Variants in DOP1A observed in about 807,000 individuals in gnomAD.
DOP1A encodes the protein DOP1 leucine zipper like protein A.
In DOP1A, 90 loss-of-function variants were observed where a neutral mutation model predicts 267.6. The ratio of observed to expected loss-of-function variants is 0.34; its 90% CI spans 0.28 to 0.40. The LOEUF (loss-of-function observed/expected upper bound fraction) is 0.40. Ranked by LOEUF, DOP1A falls within the 10% of genes least tolerant of loss-of-function variation. The pLI, the probability that DOP1A is intolerant of heterozygous loss-of-function variation, is 1.00. For missense variants in DOP1A, 2,437 were observed against 2,900.4 expected (o/e 0.84, Z 3.67); for synonymous variants, 932 against 999.1 (o/e 0.93, Z 1.27).
intron 38 of DOP1A, chr6:83,164,814 G>A: frequency 3.1e-6 from 3 of 958,768 alleles, no homozygotes; most frequent in Non-Finnish European, 4.6e-6. Flanking sequence ...GTACAAGGGA[G>A]GTAAACAGGA....
chr6:83,122,138 C>T, intron 11 of DOP1A, 88 bp downstream of exon 11: 2 of 1,444,614 alleles, frequency 1.4e-6, no homozygotes, highest in Non-Finnish European at 1.9e-6. Flanking sequence ...TGGGATCCTA[C>T]TCTATGAAGT....
chr6:83,168,951 T>A (rs1260157087), downstream of DOP1A: 2 of 1,150,912 alleles, frequency 1.7e-6, no homozygotes, highest in East Asian at 9.0e-5. Context: ...CATGAATTGT[T>A]CCCCACATAA....
chr6:83,095,026 G>A (rs900425424), intron 1 of DOP1A, among the ~76,000 whole-genome samples: 11 of 152,078 alleles, frequency 7.2e-5, no homozygotes, highest in South Asian at 2.1e-4. Flanking sequence ...TCGGACTGCC[G>A]GGTTCAAGTG....
chr6:83,169,452 A>C (rs758073787), downstream of DOP1A: 26 of 1,088,984 alleles, frequency 2.4e-5, no homozygotes, highest in Non-Finnish European at 2.9e-5. Context: ...AACAAATTCT[A>C]ATGAAAACCT....
Position 83,135,875 on chromosome 6 carries a change from A to T in DOP1A, c.3127A>T (p.Asn1043Tyr). The change falls in exon 20 of 39, where the codon AAT (asparagine) becomes TAT (tyrosine). Residue 1043 changes from asparagine (N) to tyrosine (Y), a missense_variant. Transcript: ENST00000349129. ...KHFMQNFACS[N>Y]VSQVQLITSK... is the part of the protein sequence containing the mutation. ...TTTCATGCAAAATTTTGCCTGCAGC[A>T]ATGGTGAATAACACATAGAAGTAGA... 6.2e-7 allele frequency: 1 copy of T among 1,613,342 alleles called. No individual in the cohort carries two copies. The highest frequency in any genetic ancestry group is 2.2e-5 in the East Asian group (1 of 44,828).
intron 27 of DOP1A, among the ~76,000 whole-genome samples, chr6:83,149,968 TTA>T (rs1445047540): frequency 6.6e-6 from 1 of 152,220 alleles, no homozygotes; most frequent in Non-Finnish European, 1.5e-5. Flanking sequence ...CAATCACCAG[TTA>T]TCTGATGATT....
At chr6:83,140,622 T>A (rs913813645) in intron 23 of DOP1A, among the ~76,000 whole-genome samples, 22 of 152,210 alleles carry the variant, frequency 1.4e-4, no homozygotes, top group African/African-American at 5.3e-4. Context: ...TACAGAGTTG[T>A]GAACTATCAC....
At chr6:83,119,894 G>A (rs1339872630) in intron 9 of DOP1A, 37 bp downstream of exon 9, 3 of 1,524,396 alleles carry the variant, frequency 2.0e-6, no homozygotes, top group Non-Finnish European at 1.8e-6. Context: ...GTTACTTACT[G>A]ACCACTAGAG....
rs111399303 is a variant in DOP1A at position 83,145,846 on chromosome 6, C to T, written c.5676+188C>T. On this transcript the variant is annotated intron_variant, in intron 25 of 38. Coordinates refer to ENST00000349129, the MANE Select transcript of DOP1A (RefSeq NM_015018.4). ...GTAGTGACTTGCTATTCTGATTATT[C>T]GGTAGCCAGTGAAGAGCAGTTAACT... Among the ~76,000 whole-genome samples the T allele has an allele frequency of 8.0e-3, 1,222 of 152,204 alleles. 17 individuals are homozygous for T. The highest frequency in any genetic ancestry group is 0.028 in the African/African-American group (1,156 of 41,528).
At position 83,137,220 on chromosome 6, in the gene DOP1A, C is replaced by T. The variant is rs1778998718; in HGVS notation, c.3178C>T (p.Leu1060Phe). 3 of 1,594,894 alleles carry T rather than the reference C, an allele frequency of 1.9e-6. No individual in the cohort carries two copies. The highest frequency in any genetic ancestry group is 1.1e-5 in the South Asian group (1 of 88,332). ...ITSKGNGEKP[L>F]TMDEIENFSL... ...ATCAAAAGGAAATGGTGAAAAGCCACTTACCATGGATGAAATAGAGAACTT... is the reference window on the plus strand; with the variant it reads ...ATCAAAAGGAAATGGTGAAAAGCCATTTACCATGGATGAAATAGAGAACTT... The change falls in exon 21 of 39, where the codon CTT becomes TTT. Residue 1060 changes from leucine (L) to phenylalanine (F), a missense_variant. Transcript: ENST00000349129.
chr6:83,113,845 A>G (rs895274616), intron 7 of DOP1A, among the ~76,000 whole-genome samples: 13 of 152,212 alleles, frequency 8.5e-5, no homozygotes, highest in South Asian at 2.1e-4. Context: ...GTGATATTCT[A>G]TAGTACTTTT....
At chr6:83,139,941 A>G (rs184412945) in intron 21 of DOP1A, 59 bp from the exon 22 acceptor site, 35 of 1,186,712 alleles carry the variant, frequency 2.9e-5, no homozygotes, top group Admixed American at 1.8e-4. Context: ...TTTACTAGTG[A>G]TAAAATATGA....
At chr6:83,132,143 A>G (rs367635393) in intron 17 of DOP1A, 33 bp from the exon 18 acceptor site, 10 of 1,593,764 alleles carry the variant, frequency 6.3e-6, no homozygotes, top group African/African-American at 5.4e-5. Context: ...CATGTATGGT[A>G]TTGTGACTGT....
rs1370786661 is a variant in DOP1A at position 83,145,585 on chromosome 6, T to C, written c.5603T>C (p.Val1868Ala). The stretch of plus-strand genomic sequence containing the variant: ...GTGGAATTGGTTCGTTCAATCAGTG[T>C]CATGAGAGCAGAAACTGTTATCCAG... ...LLVELVRSIS[V>A]MRAETVIQTV... is the part of the protein sequence containing the mutation. Residue 1868 changes from valine (V) to alanine (A), a missense_variant, in exon 25 of 39, where the codon GTC becomes GCC. This residue lies in a region of DOP1A where 307 missense variants were observed against 308.6 expected (regional missense o/e 0.99). Transcript: ENST00000349129. The C allele has an allele frequency of 6.2e-7, 1 of 1,612,894 alleles. No homozygotes were observed. The highest frequency in any genetic ancestry group is 8.5e-7 in the Non-Finnish European group (1 of 1,179,332).
chr6:83,106,726 C>G (rs1773668936), intron 4 of DOP1A, among the ~76,000 whole-genome samples: 1 of 151,394 alleles, frequency 6.6e-6, no homozygotes, highest in Non-Finnish European at 1.5e-5. Context: ...ATGAGAATCA[C>G]TTGAACCTGG....
Position 83,137,910 on chromosome 6 carries a change from TCAGGTAAACAAC to T in DOP1A, c.3873_3884del (p.Lys1292_Gly1295del). On this transcript the variant is annotated inframe_deletion, in exon 21 of 39. Coordinates refer to ENST00000349129, the MANE Select transcript of DOP1A (RefSeq NM_015018.4). ...GGAGAAGGAAACAATAGTTAAGGAG[TCAGGTAAACAAC>T]CAGGAGCAAAACCTAAAGTAAAACT... 2 of 1,610,988 alleles carry T rather than the reference TCAGGTAAACAAC, an allele frequency of 1.2e-6. No individual in the cohort carries two copies. Among genetic ancestry groups the T allele is most frequent in the Non-Finnish European group, 1.7e-6 (2 of 1,179,094 alleles).
chr6:83,132,094 C>A, intron 17 of DOP1A, 82 bp from the exon 18 acceptor site: 1 of 1,481,098 alleles, frequency 6.8e-7, no homozygotes, highest in Admixed American at 1.8e-5. Context: ...AGAGAGCAGG[C>A]ATTCATTTGT....
chr6:83,151,861 T>G (rs774590202), intron 28 of DOP1A, 22 bp from the exon 29 acceptor site: 7 of 1,611,374 alleles, frequency 4.3e-6, no homozygotes, highest in Non-Finnish European at 5.9e-6. Context: ...CCATACATAG[T>G]TGTTCTTCCT....
At chr6:83,167,289 A>T (rs1472467361) in intron 38 of DOP1A, 21 of 985,238 alleles carry the variant, frequency 2.1e-5, no homozygotes, top group Non-Finnish European at 2.5e-5. Context: ...TGTTTAGCAC[A>T]ACCCAGAAGG....
Sources: allele counts gnomAD v4.1 joint callset (sites outside exome capture counted in the v4.1 genomes callset), GRCh38; gene constraint gnomAD v4.1.1; regional missense constraint gnomAD v4.1.1; transcripts MANE v1.5; gene names NCBI Gene and HGNC (gene_info 2026-07-23, HGNC 2026-07-21).